Variants in CSMD2 observed in about 807,000 individuals in gnomAD.
CSMD2 encodes CUB and sushi domain-containing protein 2.
CSMD2 carries 130 observed loss-of-function variants against 398.5 expected under a neutral mutation model. The ratio of observed to expected loss-of-function variants is 0.33; its 90% CI spans 0.28 to 0.38. CSMD2 has a LOEUF of 0.38. Among genes scored for constraint, CSMD2 ranks in the 10% least tolerant of loss-of-function variants. The pLI is 1.00. For synonymous variants in CSMD2, 1,828 were observed against 1,908.5 expected, an observed-to-expected ratio of 0.96 and a Z score of 1.10; for missense variants, 3,829 against 4,764.9, an observed-to-expected ratio of 0.80 and a Z score of 5.78.
chr1:34,159,622 T>A (rs2148580587), intron 1 of CSMD2, among the ~76,000 whole-genome samples: 2 of 152,330 alleles, frequency 1.3e-5, no homozygotes, highest in South Asian at 4.2e-4. Flanking sequence ...AAGTTATGTG[T>A]CCTCTCTGAA....
rs532578141 is a variant in CSMD2 at position 33,620,332 on chromosome 1, C to A, written c.5827+1835G>T. Reference sequence around the variant, plus strand: ...GTCTGTGAGCTCTTTGTAGATTATCCTACAAAATAAAATATAACTACAGGG... The same window carrying A: ...GTCTGTGAGCTCTTTGTAGATTATCATACAAAATAAAATATAACTACAGGG... On this transcript the variant is annotated intron_variant, in intron 37 of 70. Coordinates refer to ENST00000373381, the MANE Select transcript of CSMD2 (RefSeq NM_001281956.2). Among the ~76,000 whole-genome samples the A allele has an allele frequency of 1.4e-4, 22 of 152,190 alleles. 1 individual carries two copies. The highest frequency in any genetic ancestry group is 5.1e-4 in the African/African-American group (21 of 41,532).
intron 25 of CSMD2, 40 bp from the exon 26 acceptor site, chr1:33,663,132 C>T (rs781227272): frequency 3.2e-5 from 50 of 1,571,764 alleles, no homozygotes; most frequent in Non-Finnish European, 4.2e-5. Context: ...TGGACTCAGC[C>T]CTTCTTTCCA....
chr1:34,132,966 C>CTTTT (rs59095706), intron 1 of CSMD2, among the ~76,000 whole-genome samples: 1 of 144,400 alleles, frequency 6.9e-6, no homozygotes, highest in African/African-American at 2.5e-5. Context: ...ACACACACAC[C>CTTTT]TTTTTTTTTT....
Position 33,825,731 on chromosome 1 carries a change from C to T in CSMD2, c.1077G>A (p.Met359Ile), listed in dbSNP as rs1658731944. 6.2e-7 allele frequency: 1 copy of T among 1,613,862 alleles called. No homozygotes were observed. The highest frequency in any genetic ancestry group is 1.7e-5 in the Admixed American group (1 of 59,980). The change falls in exon 7 of 71, where the codon ATG becomes ATA. Residue 359 changes from methionine to isoleucine, a missense_variant. Met to Ile is a conservative substitution (Grantham distance 10, BLOSUM62 1). Transcript: ENST00000373381. The stretch of plus-strand genomic sequence containing the variant: ...TCTTCTGGCTGTTGTCTTTGCTGGG[C>T]ATCAGCTTCACACCTCGAGACTTCA... ...IELKSRGVKL[M>I]PSKDNSQKTS... is the part of the protein sequence containing the mutation.
intron 5 of CSMD2, among the ~76,000 whole-genome samples, chr1:33,913,539 G>A (rs779421435): frequency 9.9e-5 from 15 of 152,262 alleles, no homozygotes; most frequent in South Asian, 4.2e-4. Flanking sequence ...CAGTTGCCAC[G>A]TTTCACCCTC....
chr1:33,788,098 G>A (rs1253955933), intron 12 of CSMD2, among the ~76,000 whole-genome samples: 1 of 152,096 alleles, frequency 6.6e-6, no homozygotes, highest in East Asian at 1.9e-4. Flanking sequence ...CATTTTAAGT[G>A]TTTTATCCCA....
chr1:33,979,046 C>A (rs925327653), intron 3 of CSMD2, among the ~76,000 whole-genome samples: 1 of 152,210 alleles, frequency 6.6e-6, no homozygotes, highest in Non-Finnish European at 1.5e-5. Context: ...ATTGCAGGTA[C>A]ATATACCTTT....
At chr1:33,764,102 T>C (rs939307190) in intron 13 of CSMD2, among the ~76,000 whole-genome samples, 1 of 152,138 alleles carries the variant, frequency 6.6e-6, no homozygotes, top group Non-Finnish European at 1.5e-5. Flanking sequence ...CCATAAAGTA[T>C]CTGCCTATTT....
intron 13 of CSMD2, among the ~76,000 whole-genome samples, chr1:33,767,405 C>T (rs1228125863): frequency 6.6e-6 from 1 of 151,896 alleles, no homozygotes; most frequent in African/African-American, 2.4e-5. Flanking sequence ...GAGAACATAC[C>T]AAAAGTCTCT....
At chr1:33,651,608 G>T (rs868184970) in intron 28 of CSMD2, among the ~76,000 whole-genome samples, 1 of 152,166 alleles carries the variant, frequency 6.6e-6, no homozygotes, top group African/African-American at 2.4e-5. Flanking sequence ...TTAACAAGAG[G>T]TCCACGTGAA....
At chr1:33,583,857 G>C (rs1395473167) in intron 46 of CSMD2, 27 bp from the exon 47 acceptor site, 2 of 1,598,666 alleles carry the variant, frequency 1.3e-6, no homozygotes, top group East Asian at 2.2e-5. Context: ...GAAACACCAA[G>C]TACGTGGGGG....
intron 7 of CSMD2, among the ~76,000 whole-genome samples, chr1:33,820,874 C>T (rs999816629): frequency 6.6e-6 from 1 of 152,134 alleles, no homozygotes; most frequent in African/African-American, 2.4e-5. Context: ...GTGGACCATC[C>T]ACAGCCCCTG....
rs1350543567 is a variant in CSMD2, at chr1:33,515,339, G to C, written c.*1285C>G. On this transcript the variant is annotated 3_prime_UTR_variant, in exon 71 of 71. Transcript: ENST00000373381. ...GAATCCTTGCCCCGAAGCTGCCTACGCGGAGACAGCAGAACCCAGATAGGA... is the reference window on the plus strand; with the variant it reads ...GAATCCTTGCCCCGAAGCTGCCTACCCGGAGACAGCAGAACCCAGATAGGA... The C allele has an allele frequency of 6.6e-6, 1 of 152,254 alleles. No individual in the cohort carries two copies. The highest frequency in any genetic ancestry group is 2.4e-5 in the African/African-American group (1 of 41,458). 9.4% of individuals were successfully genotyped at this position (152,254 alleles called of 1,614,324 possible).
chr1:33,547,935 A>G (rs1657063422), intron 56 of CSMD2, among the ~76,000 whole-genome samples: 1 of 152,200 alleles, frequency 6.6e-6, no homozygotes. Flanking sequence ...CAGGTTGGGG[A>G]AGAGACCTGG....
chr1:33,583,599 T>A, intron 47 of CSMD2, 43 bp downstream of exon 47: 1 of 1,584,002 alleles, frequency 6.3e-7, no homozygotes, highest in Admixed American at 1.7e-5. Flanking sequence ...AGCAAGTCCA[T>A]GTCTTCTGCA....
At chr1:33,818,354 CA>C (rs767000490) in intron 9 of CSMD2, among the ~76,000 whole-genome samples, 2 of 152,186 alleles carry the variant, frequency 1.3e-5, no homozygotes, top group East Asian at 3.8e-4. Flanking sequence ...AGGCAGTGAA[CA>C]AAACAGAAGT....
intron 15 of CSMD2, among the ~76,000 whole-genome samples, chr1:33,727,452 C>G: frequency 6.6e-6 from 1 of 152,208 alleles, no homozygotes; most frequent in East Asian, 1.9e-4. Context: ...CCCTCAGCCC[C>G]TAAGGTAGTC....
chr1:33,902,934 C>T (rs183356348), intron 5 of CSMD2, among the ~76,000 whole-genome samples: 5 of 152,274 alleles, frequency 3.3e-5, no homozygotes, highest in East Asian at 1.9e-4. Context: ...ATTGATTTCA[C>T]CCCAACCCCA....
At position 33,692,987 on chromosome 1, in the gene CSMD2, T is replaced by C. The variant is rs1434829585; in HGVS notation, c.3995A>G (p.Tyr1332Cys). ...CCAGATGCAGTTGAGATTGTGTTCA[T>C]AGGGAGCTGGATACCCGGGTGACAG... Reference protein sequence around the residue: ...QVLSPGYPAPYEHNLNCIWTI... With the variant: ...QVLSPGYPAPCEHNLNCIWTI... The change falls in exon 25 of 71, where the codon TAT becomes TGT. Residue 1332 changes from tyrosine to cysteine, a missense_variant. By Grantham distance (194) the Tyr-to-Cys change is radical. This residue lies in a region of CSMD2 where 2,001 missense variants were observed against 2,567.1 expected (regional missense o/e 0.78). Coordinates refer to ENST00000373381, the MANE Select transcript of CSMD2 (RefSeq NM_001281956.2). 1 of 1,607,040 alleles carries C rather than the reference T, an allele frequency of 6.2e-7. No homozygotes were observed. The highest frequency in any genetic ancestry group is 8.5e-7 in the Non-Finnish European group (1 of 1,177,002).
Sources: allele counts gnomAD v4.1 joint callset (sites outside exome capture counted in the v4.1 genomes callset), GRCh38; gene constraint gnomAD v4.1.1; regional missense constraint gnomAD v4.1.1; transcripts MANE v1.5; gene names NCBI Gene and HGNC (gene_info 2026-07-23, HGNC 2026-07-21).